ERC1: variants seen among roughly 807,000 people sequenced by gnomAD.
The protein encoded by ERC1 is RAB6 interacting protein 2.
Under a neutral mutation model 132.0 loss-of-function variants are expected in ERC1, and 56 were observed. The observed-to-expected ratio is 0.42, with a 90% CI of 0.34 to 0.53. The LOEUF is 0.53. Among genes scored for constraint, ERC1 ranks in the 20% least tolerant of loss-of-function variants. ERC1 has a pLI of 0.03. For missense variants in ERC1, 1,202 were observed against 1,349.9 expected (o/e 0.89, Z 1.72); for synonymous variants, 478 against 476.1 (o/e 1.00, Z -0.05).
Position 1,053,962 on chromosome 12 carries a change from T to C in ERC1, c.669+25390T>C, listed in dbSNP as rs1278038984. Among the ~76,000 whole-genome samples the C allele has an allele frequency of 2.6e-5, 4 of 152,222 alleles. No individual in the cohort carries two copies. In the South Asian group the frequency reaches 8.3e-4, roughly 32 times the overall value. ...TGATCTTTAAGCTAGCCTTGACCTTTTGGGTGGTCTGTGCTTATCTTTCAA... is the reference window on the plus strand; with the variant it reads ...TGATCTTTAAGCTAGCCTTGACCTTCTGGGTGGTCTGTGCTTATCTTTCAA... On this transcript the variant is annotated intron_variant, in intron 2 of 18. Transcript: ENST00000360905.
At chr12:1,081,870 TAAAA>T (rs1220373602) in intron 2 of ERC1, among the ~76,000 whole-genome samples, 1 of 151,860 alleles carries the variant, frequency 6.6e-6, no homozygotes, top group Non-Finnish European at 1.5e-5. Context: ...TACAGTAAAA[TAAAA>T]AAAGAGTCCA....
intron 13 of ERC1, among the ~76,000 whole-genome samples, chr12:1,239,236 G>C (rs1235432414): frequency 6.6e-6 from 1 of 151,920 alleles, no homozygotes; most frequent in East Asian, 1.9e-4. Context: ...TTAATTTTTT[G>C]TAGAGACAAA....
At chr12:1,474,676 G>T (rs952372707) in intron 18 of ERC1, among the ~76,000 whole-genome samples, 5 of 152,030 alleles carry the variant, frequency 3.3e-5, no homozygotes. Flanking sequence ...CAGCCCCCTC[G>T]CATTCCTTAT....
Position 1,189,948 on chromosome 12 carries a change from T to G in ERC1, c.2247T>G (p.Asp749Glu), listed in dbSNP as rs1189277901. 1 of 1,613,924 alleles carries G rather than the reference T, an allele frequency of 6.2e-7. No homozygotes were observed. The highest frequency in any genetic ancestry group is 1.3e-5 in the African/African-American group (1 of 74,890). Reference sequence around the variant, plus strand: ...AGAGAGAGATCACCAGGTACAAAGATGAATCTAGCAAGGCCCAGGCAGAAG... The same window carrying G: ...AGAGAGAGATCACCAGGTACAAAGAGGAATCTAGCAAGGCCCAGGCAGAAG... Reference protein sequence around the residue: ...HLEREITRYKDESSKAQAEVD... With the variant: ...HLEREITRYKEESSKAQAEVD... Residue 749 changes from aspartate (D) to glutamate (E), a missense_variant, in exon 12 of 19, where the codon GAT (aspartate) becomes GAG (glutamate). Coordinates refer to ENST00000360905, the MANE Select transcript of ERC1 (RefSeq NM_178040.4).
At position 1,110,336 on chromosome 12, in the gene ERC1, A is replaced by C; in HGVS notation, c.1306A>C (p.Met436Leu). The C allele has an allele frequency of 3.1e-6, 5 of 1,603,678 alleles. No homozygotes were observed. Among genetic ancestry groups the C allele is most frequent in the Middle Eastern group, 1.7e-4 (1 of 6,026 alleles). Reference sequence around the variant, plus strand: ...AGTGTATCGGAGCCATTCTAAATTTATGAAAAATAAGGTAATGGCATGTGA... The same window carrying C: ...AGTGTATCGGAGCCATTCTAAATTTCTGAAAAATAAGGTAATGGCATGTGA... ...MEVYRSHSKFMKNKVEQLKEE... is the reference protein window; with the variant it reads ...MEVYRSHSKFLKNKVEQLKEE... The change falls in exon 5 of 19, where the codon ATG becomes CTG. Residue 436 changes from methionine (M) to leucine (L), a missense_variant. Transcript: ENST00000360905.
intron 15 of ERC1, among the ~76,000 whole-genome samples, chr12:1,356,459 G>A (rs1391327921): frequency 6.6e-6 from 1 of 152,070 alleles, no homozygotes; most frequent in Non-Finnish European, 1.5e-5. Flanking sequence ...TTTTGTGTGT[G>A]TGTGTCTTTG....
At chr12:1,474,159 A>G (rs1217159477) in intron 18 of ERC1, among the ~76,000 whole-genome samples, 1 of 152,214 alleles carries the variant, frequency 6.6e-6, no homozygotes, top group Non-Finnish European at 1.5e-5. Flanking sequence ...TCAGCTCCAA[A>G]AGGCTCCGAA....
chr12:1,067,066 C>T (rs1939348987), intron 2 of ERC1, among the ~76,000 whole-genome samples: 1 of 152,036 alleles, frequency 6.6e-6, no homozygotes, highest in Non-Finnish European at 1.5e-5. Context: ...CCTCCACCTC[C>T]CAAAGTGTTG....
chr12:1,474,025 T>C (rs563759553), intron 18 of ERC1, among the ~76,000 whole-genome samples: 2 of 152,338 alleles, frequency 1.3e-5, no homozygotes, highest in East Asian at 3.9e-4. Flanking sequence ...TTTATTCCAG[T>C]TGTGTGAAAT....
chr12:1,182,008 T>C lies in ERC1; in HGVS notation c.1959T>C (p.Asp653=), dbSNP rs1346565415. Residue 653 remains aspartate (D), a synonymous_variant, in exon 10 of 19, where the codon GAT becomes GAC. Coordinates refer to ENST00000360905, the MANE Select transcript of ERC1 (RefSeq NM_178040.4). The stretch of plus-strand genomic sequence containing the variant: ...AGGAAATTGATAACTACAAAAAAGA[T>C]CTTAAAGACTTGAAGGAAAAAGTCA... The part of the protein sequence containing the change: ...KQEEIDNYKK[D]LKDLKEKVSL... 1.2e-6 allele frequency: 2 copies of C among 1,613,900 alleles called. No individual in the cohort carries two copies.
chr12:1,204,095 A>T (rs1957148575), intron 12 of ERC1: 1 of 162,066 alleles, frequency 6.2e-6, no homozygotes, highest in African/African-American at 2.4e-5. Context: ...GTTAGTTATA[A>T]GGTGGGTGTC....
chr12:1,337,170 T>C (rs2083384846), intron 15 of ERC1, among the ~76,000 whole-genome samples: 1 of 152,164 alleles, frequency 6.6e-6, no homozygotes, highest in Non-Finnish European at 1.5e-5. Context: ...ACTGTTATTG[T>C]GTGGGAGTCT....
chr12:1,348,413 G>A (rs1320926807), intron 15 of ERC1, among the ~76,000 whole-genome samples: 2 of 152,116 alleles, frequency 1.3e-5, no homozygotes, highest in Admixed American at 6.5e-5. Context: ...CCAGCCAGGC[G>A]CAGTGGCTCA....
chr12:1,204,979 T>G (rs1384659564), intron 12 of ERC1, among the ~76,000 whole-genome samples: 1 of 152,120 alleles, frequency 6.6e-6, no homozygotes, highest in Non-Finnish European at 1.5e-5. Flanking sequence ...TAAATTTTGG[T>G]TTCATTTTGT....
chr12:1,222,102 T>A (rs1411887587), intron 12 of ERC1, among the ~76,000 whole-genome samples: 1 of 152,206 alleles, frequency 6.6e-6, no homozygotes, highest in Non-Finnish European at 1.5e-5. Context: ...TACCTAAACA[T>A]GTAAACATCA....
intron 14 of ERC1, among the ~76,000 whole-genome samples, chr12:1,267,794 A>G (rs1217137092): frequency 6.6e-6 from 1 of 152,148 alleles, no homozygotes; most frequent in Non-Finnish European, 1.5e-5. Context: ...ATATTTGCAC[A>G]TATGAATTTG....
At chr12:1,059,831 A>G (rs2154174457) in intron 2 of ERC1, among the ~76,000 whole-genome samples, 1 of 152,342 alleles carries the variant, frequency 6.6e-6, no homozygotes, top group South Asian at 2.1e-4. Flanking sequence ...TTTCGCATCA[A>G]GGTAATGCTG....
intron 2 of ERC1, among the ~76,000 whole-genome samples, chr12:1,055,156 CCTTTT>C (rs1972709031): frequency 6.6e-6 from 1 of 152,002 alleles, no homozygotes; most frequent in Non-Finnish European, 1.5e-5. Context: ...CCTTTCCTTT[CCTTTT>C]TTCTTTCCTT....
chr12:1,237,957 A>G (rs1365293077), intron 13 of ERC1, among the ~76,000 whole-genome samples: 1 of 152,230 alleles, frequency 6.6e-6, no homozygotes, highest in East Asian at 1.9e-4. Context: ...TTTACAACAA[A>G]TTCTTTTAAC....
Sources: allele counts gnomAD v4.1 joint callset (sites outside exome capture counted in the v4.1 genomes callset), GRCh38; gene constraint gnomAD v4.1.1; transcripts MANE v1.5; gene names NCBI Gene and HGNC (gene_info 2026-07-23, HGNC 2026-07-21).